The following C14orf39 variants were observed in gnomAD, a reference collection of about 807,000 sequenced individuals.
C14orf39 encodes the protein protein SIX6OS1.
In C14orf39, 66 loss-of-function variants were observed where a neutral mutation model predicts 85.6. The ratio of observed to expected loss-of-function variants is 0.77; its 90% CI spans 0.63 to 0.95. The LOEUF is 0.95. C14orf39 is among the 40% of genes least tolerant of loss of function. The pLI is 0.00. For missense variants in C14orf39, 735 were observed against 663.9 expected, an observed-to-expected ratio of 1.11 and a Z score of -1.18; for synonymous variants, 242 against 214.0, an observed-to-expected ratio of 1.13 and a Z score of -1.14.
chr14:60,443,360 A>T (rs1890613176), intron 16 of C14orf39, among the ~76,000 whole-genome samples: 1 of 152,234 alleles, frequency 6.6e-6, no homozygotes, highest in African/African-American at 2.4e-5. Context: ...CCAGCAGACC[A>T]GGAGATTCCC....
At chr14:60,459,954 T>C (rs1407240033) in intron 13 of C14orf39, among the ~76,000 whole-genome samples, 3 of 151,898 alleles carry the variant, frequency 2.0e-5, no homozygotes, top group Non-Finnish European at 3.0e-5. Context: ...TTAATTTTAA[T>C]ATTGCCAAAT....
At chr14:60,455,390 T>C (rs1238685354) in intron 15 of C14orf39, among the ~76,000 whole-genome samples, 1 of 152,074 alleles carries the variant, frequency 6.6e-6, no homozygotes, top group African/African-American at 2.4e-5. Flanking sequence ...ACTATTACTA[T>C]CATTTCCATT....
chr14:60,497,796 C>T (rs1036186462), intron 2 of C14orf39, among the ~76,000 whole-genome samples: 14 of 151,724 alleles, frequency 9.2e-5, no homozygotes, highest in African/African-American at 2.9e-4. Flanking sequence ...GCAGGAGAAT[C>T]GATTGAACCT....
Position 60,442,081 on chromosome 14 carries a change from T to C in C14orf39, c.1554A>G (p.Gln518=), listed in dbSNP as rs1381163622. ...AAACTTCAAACAACTTACCAATCTC[T>C]TGCTCTGATGACAGAGGATTTAGAT... ...ARNLNPLSSE[Q]EIGNLLEKPE... is the part of the protein sequence containing the mutation. The change falls in exon 17 of 18, where the codon CAA becomes CAG. Residue 518 remains glutamine (Q), a synonymous_variant. Transcript: ENST00000321731. 1.9e-6 allele frequency: 3 copies of C among 1,607,912 alleles called. No individual in the cohort carries two copies. In the African/African-American group the frequency reaches 4.0e-5, roughly 22 times the overall value.
chr14:60,481,050 A>T (rs2140153988), intron 4 of C14orf39, among the ~76,000 whole-genome samples: 1 of 152,326 alleles, frequency 6.6e-6, no homozygotes, highest in South Asian at 2.1e-4. Context: ...ACTGCACCGT[A>T]TAGTGACTAC....
chr14:60,479,415 G>A lies in C14orf39; in HGVS notation c.234-1026C>T, dbSNP rs141246505. On this transcript the variant is annotated intron_variant, in intron 4 of 17. Transcript: ENST00000321731. ...ACACTGGAAACTAGTAGAGGGGGAAGAGGTGAAAAACTATTGAGTACTATG... is the reference window on the plus strand; with the variant it reads ...ACACTGGAAACTAGTAGAGGGGGAAAAGGTGAAAAACTATTGAGTACTATG... 2.4e-3 allele frequency among the ~76,000 whole-genome samples: 364 copies of A among 152,280 alleles called. 1 individual carries two copies. The highest frequency in any genetic ancestry group is 8.0e-3 in the African/African-American group (334 of 41,576).
At chr14:60,461,455 A>T (rs764729289) in intron 12 of C14orf39, 43 bp from the exon 13 acceptor site, 2 of 1,572,512 alleles carry the variant, frequency 1.3e-6, no homozygotes, top group Non-Finnish European at 1.7e-6. Context: ...TTCTGAGTTG[A>T]TATCTATAAA....
intron 5 of C14orf39, among the ~76,000 whole-genome samples, chr14:60,476,983 T>C (rs1159989212): frequency 6.6e-6 from 1 of 152,234 alleles, no homozygotes; most frequent in Non-Finnish European, 1.5e-5. Flanking sequence ...GGATACATAG[T>C]ATGAATTTCT....
chr14:60,493,720 C>T (rs529340803), intron 2 of C14orf39: 10 of 152,126 alleles, frequency 6.6e-5, no homozygotes, highest in African/African-American at 2.2e-4. Flanking sequence ...CAACTGTAAA[C>T]ATCATTTACA....
intron 5 of C14orf39, among the ~76,000 whole-genome samples, chr14:60,475,210 G>A (rs2140136711): frequency 6.6e-6 from 1 of 152,240 alleles, no homozygotes; most frequent in African/African-American, 2.4e-5. Context: ...AGTATGCTCT[G>A]ATGGTAGTTT....
chr14:60,461,323 T>TTC (rs777217487), intron 13 of C14orf39, 31 bp downstream of exon 13: 55 of 1,582,036 alleles, frequency 3.5e-5, no homozygotes, highest in Non-Finnish European at 4.6e-5. Context: ...TTACCCCGAC[T>TTC]TCTTAGAAGA....
At chr14:60,451,402 C>A (rs538970260) in intron 16 of C14orf39, among the ~76,000 whole-genome samples, 87 of 152,174 alleles carry the variant, frequency 5.7e-4, no homozygotes, top group African/African-American at 2.0e-3. Context: ...ATGTTTATTG[C>A]GGCACTATTC....
intron 5 of C14orf39, among the ~76,000 whole-genome samples, chr14:60,473,515 C>T (rs1036766893): frequency 5.9e-5 from 9 of 152,006 alleles, no homozygotes; most frequent in South Asian, 2.1e-4. Flanking sequence ...TAGGTTTTCT[C>T]CTAGGGTTTC....
chr14:60,484,503 T>C lies in C14orf39; in HGVS notation c.106+378A>G, dbSNP rs1892793147. Among the ~76,000 whole-genome samples the C allele has an allele frequency of 6.6e-6, 1 of 152,174 alleles. No homozygotes were observed. Among genetic ancestry groups the C allele is most frequent in the Non-Finnish European group, 1.5e-5 (1 of 68,028 alleles). On this transcript the variant is annotated intron_variant, in intron 3 of 17. Coordinates refer to ENST00000321731, the MANE Select transcript of C14orf39 (RefSeq NM_174978.3). The surrounding 1 kb of genome is among the most constrained non-coding windows in gnomAD (Gnocchi z 4.2). ...CATTATTTTTCAGAATTATTATTCCTGAAAATGTGGCATCTATCGATTTTG... is the reference window on the plus strand; with the variant it reads ...CATTATTTTTCAGAATTATTATTCCCGAAAATGTGGCATCTATCGATTTTG...
At chr14:60,496,463 A>T in intron 2 of C14orf39, 1 of 272,126 alleles carries the variant, frequency 3.7e-6, no homozygotes, top group Non-Finnish European at 7.4e-6. Context: ...CTTCTCCTTT[A>T]TGTCCCCTTA....
At chr14:60,443,365 A>G (rs1279001660) in intron 16 of C14orf39, among the ~76,000 whole-genome samples, 1 of 152,182 alleles carries the variant, frequency 6.6e-6, no homozygotes. Context: ...AGACCAGGAG[A>G]TTCCCTCCCG....
intron 13 of C14orf39, among the ~76,000 whole-genome samples, chr14:60,459,144 T>C (rs1042316020): frequency 1.3e-5 from 2 of 151,808 alleles, no homozygotes; most frequent in South Asian, 2.1e-4. Flanking sequence ...AAATAACATA[T>C]GTATGCTCTT....
At chr14:60,511,329 G>A (rs1893291348) in intron 1 of C14orf39, 1 of 1,509,056 alleles carries the variant, frequency 6.6e-7, no homozygotes, top group East Asian at 2.3e-5. Context: ...GGAAGAAGAT[G>A]AGAGACCTGC....
At chr14:60,511,392 C>T (rs934235500) in intron 1 of C14orf39, 5 of 1,039,116 alleles carry the variant, frequency 4.8e-6, no homozygotes, top group Non-Finnish European at 7.3e-6. Context: ...CTCGGGTTGC[C>T]GTTTCCCGCC....
Sources: allele counts gnomAD v4.1 joint callset (sites outside exome capture counted in the v4.1 genomes callset), GRCh38; gene constraint gnomAD v4.1.1; non-coding constraint Gnocchi (gnomAD v3.1); transcripts MANE v1.5; gene names NCBI Gene and HGNC (gene_info 2026-07-23, HGNC 2026-07-21).